SOX6: variants seen among roughly 807,000 people sequenced by gnomAD.
SOX6 encodes transcription factor SOX-6.
SOX6 carries 11 observed loss-of-function variants against 97.8 expected under a neutral mutation model. The observed-to-expected ratio is 0.11, with a 90% CI of 0.07 to 0.19. SOX6 has a LOEUF of 0.19. Ranked by LOEUF, SOX6 falls within the 10% of genes least tolerant of loss-of-function variation. The probability of loss-of-function intolerance (pLI) is 1.00; values close to 1 mark genes in which losing one functional copy is unlikely to be tolerated. For synonymous variants in SOX6, 360 were observed against 371.4 expected (o/e 0.97, Z 0.35); for missense variants, 810 against 1,039.5 (o/e 0.78, Z 3.04).
chr11:16,306,159 A>G (rs1855426670), intron 3 of SOX6, among the ~76,000 whole-genome samples: 1 of 152,226 alleles, frequency 6.6e-6, no homozygotes, highest in Admixed American at 6.5e-5. Context: ...AATTGTTTCA[A>G]TGTCAATAAC....
intron 6 of SOX6, among the ~76,000 whole-genome samples, chr11:16,173,104 G>T (rs1027652247): frequency 6.6e-6 from 1 of 151,944 alleles, no homozygotes; most frequent in African/African-American, 2.4e-5. Context: ...TTAGAAACAT[G>T]TATAGATATC....
intron 4 of SOX6, among the ~76,000 whole-genome samples, chr11:16,502,828 A>G (rs1040744381): frequency 6.6e-6 from 1 of 152,202 alleles, no homozygotes; most frequent in African/African-American, 2.4e-5. Flanking sequence ...AACTCCCCAC[A>G]TCTAGCAAGA....
intron 6 of SOX6, among the ~76,000 whole-genome samples, chr11:16,129,564 T>C (rs1398747817): frequency 6.6e-6 from 1 of 152,078 alleles, no homozygotes; most frequent in Non-Finnish European, 1.5e-5. Flanking sequence ...GCAGACTAAA[T>C]AGAATGTAAC....
intron 3 of SOX6, chr11:16,317,879 T>C: frequency 2.6e-6 from 1 of 387,976 alleles, no homozygotes; most frequent in South Asian, 2.0e-5. Context: ...TACACGAACC[T>C]GAGTGAACTC....
At chr11:16,243,391 G>A (rs1362313440) in intron 3 of SOX6, among the ~76,000 whole-genome samples, 2 of 151,752 alleles carry the variant, frequency 1.3e-5, no homozygotes, top group Non-Finnish European at 2.9e-5. Flanking sequence ...ACCACTTTGT[G>A]TTTTTCCATA....
intron 1 of SOX6, among the ~76,000 whole-genome samples, chr11:16,457,792 T>C (rs970157056): frequency 6.6e-6 from 1 of 152,084 alleles, no homozygotes; most frequent in African/African-American, 2.4e-5. Context: ...TGTTGAGTTT[T>C]AGCAGTTTGT....
intron 7 of SOX6, among the ~76,000 whole-genome samples, chr11:16,101,443 T>C (rs1848944922): frequency 6.6e-6 from 1 of 151,686 alleles, no homozygotes; most frequent in African/African-American, 2.4e-5. Flanking sequence ...AAAGAATAGA[T>C]CAATGATGAA....
At chr11:16,203,877 C>A (rs972100018) in intron 4 of SOX6, among the ~76,000 whole-genome samples, 1 of 151,940 alleles carries the variant, frequency 6.6e-6, no homozygotes, top group Non-Finnish European at 1.5e-5. Context: ...TGCAACTCTA[C>A]CAAGATAAAA....
At chr11:16,252,350 A>T (rs1421232156) in intron 3 of SOX6, 1 of 152,312 alleles carries the variant, frequency 6.6e-6, no homozygotes, top group Non-Finnish European at 1.5e-5. Flanking sequence ...AAAGACAGGC[A>T]AAAACAGAGA....
rs1847709328 is a variant in SOX6, at chr11:16,655,537, A to AT, written n.430-43278dup. 2.0e-5 allele frequency among the ~76,000 whole-genome samples: 3 copies of AT among 152,320 alleles called. No individual in the cohort carries two copies. The South Asian group carries it at 6.2e-4, about 32-fold the overall frequency. The stretch of plus-strand genomic sequence containing the variant: ...TTCTGCAATTCACAGTCCTAAAACT[A>AT]TTTTTTATTTATCCTGCTCAGTACT... On this transcript the variant is annotated intron_variant and non_coding_transcript_variant, in intron 3 of 5. Transcript: ENST00000524520.
At chr11:16,674,349 T>A (rs1847870356) in intron 3 of SOX6, among the ~76,000 whole-genome samples, 1 of 152,108 alleles carries the variant, frequency 6.6e-6, no homozygotes, top group Non-Finnish European at 1.5e-5. Flanking sequence ...AGATTCAACA[T>A]CCCTTCAGGC....
chr11:16,137,801 C>G (rs1386553986), intron 6 of SOX6, among the ~76,000 whole-genome samples: 2 of 152,146 alleles, frequency 1.3e-5, no homozygotes, highest in South Asian at 2.1e-4. Flanking sequence ...CAGTTCCCCC[C>G]ATCCTGTTCT....
chr11:16,050,124 T>C (rs1160270289), intron 10 of SOX6, among the ~76,000 whole-genome samples, 186 bp from the exon 11 acceptor site: 1 of 152,160 alleles, frequency 6.6e-6, no homozygotes, highest in Non-Finnish European at 1.5e-5. Flanking sequence ...TATCCCTGTG[T>C]TATGCTTCTA....
At chr11:16,362,604 G>C (rs1025255225) in intron 1 of SOX6, among the ~76,000 whole-genome samples, 1 of 152,032 alleles carries the variant, frequency 6.6e-6, no homozygotes, top group Non-Finnish European at 1.5e-5. Flanking sequence ...CAGAAGCATT[G>C]CATGGTATGC....
At chr11:16,665,852 T>C (rs562481519) in intron 3 of SOX6, among the ~76,000 whole-genome samples, 2 of 152,234 alleles carry the variant, frequency 1.3e-5, no homozygotes, top group East Asian at 3.9e-4. Flanking sequence ...GAGAGACTGT[T>C]TGTTTGGGAG....
chr11:16,392,048 G>A (rs1221111230), intron 1 of SOX6, among the ~76,000 whole-genome samples: 1 of 151,940 alleles, frequency 6.6e-6, no homozygotes, highest in Non-Finnish European at 1.5e-5. Flanking sequence ...TATATAAAAT[G>A]ACATAGAGCT....
intron 3 of SOX6, among the ~76,000 whole-genome samples, chr11:16,620,493 G>T (rs991156977): frequency 6.6e-6 from 1 of 152,136 alleles, no homozygotes; most frequent in Non-Finnish European, 1.5e-5. Flanking sequence ...GCCCTGGTTG[G>T]AATCAGACTC....
chr11:16,287,917 A>T (rs972274009), intron 3 of SOX6, among the ~76,000 whole-genome samples: 1 of 152,138 alleles, frequency 6.6e-6, no homozygotes, highest in Non-Finnish European at 1.5e-5. Flanking sequence ...ATGGGTTGTA[A>T]ATGAAATTTA....
At chr11:16,554,911 A>T (rs1847734247) in intron 4 of SOX6, among the ~76,000 whole-genome samples, 1 of 152,052 alleles carries the variant, frequency 6.6e-6, no homozygotes, top group Non-Finnish European at 1.5e-5. Flanking sequence ...ATGTAGTGAT[A>T]TAATGACAGG....
Sources: allele counts gnomAD v4.1 joint callset (sites outside exome capture counted in the v4.1 genomes callset), GRCh38; gene constraint gnomAD v4.1.1; transcripts MANE v1.5; gene names NCBI Gene and HGNC (gene_info 2026-07-23, HGNC 2026-07-21).